Variants in KIAA1328 observed in about 807,000 individuals in gnomAD.
The protein encoded by KIAA1328 is KIAA1328.
A neutral mutation model predicts 68.1 loss-of-function variants in KIAA1328; 52 were observed. The ratio of observed to expected loss-of-function variants is 0.76; its 90% CI spans 0.61 to 0.96. The LOEUF is 0.96. Among genes scored for constraint, KIAA1328 ranks in the 40% least tolerant of loss-of-function variants. The pLI, the probability that KIAA1328 is intolerant of heterozygous loss-of-function variation, is 0.00. For missense variants in KIAA1328, 641 were observed against 677.6 expected, an observed-to-expected ratio of 0.95 and a Z score of 0.60; for synonymous variants, 232 against 239.4, an observed-to-expected ratio of 0.97 and a Z score of 0.28.
intron 7 of KIAA1328, among the ~76,000 whole-genome samples, chr18:37,089,348 A>C (rs1238746154): frequency 3.6e-5 from 5 of 139,992 alleles, no homozygotes; most frequent in Non-Finnish European, 1.6e-5. Context: ...TTATTCTACT[A>C]TTAGGGTACT....
At chr18:37,052,663 G>A (rs1209009825) in intron 6 of KIAA1328, among the ~76,000 whole-genome samples, 3 of 151,334 alleles carry the variant, frequency 2.0e-5, no homozygotes, top group Non-Finnish European at 4.4e-5. Flanking sequence ...ATACAGAATC[G>A]GCATTCAAAA....
chr18:36,854,851 C>T (rs1379092653), intron 4 of KIAA1328, among the ~76,000 whole-genome samples: 2 of 152,030 alleles, frequency 1.3e-5, no homozygotes, highest in African/African-American at 4.8e-5. Context: ...GCCCCTGGTA[C>T]CCCAGTTTAC....
intron 6 of KIAA1328, among the ~76,000 whole-genome samples, chr18:37,061,036 A>G (rs1280160313): frequency 6.6e-6 from 1 of 152,148 alleles, no homozygotes; most frequent in East Asian, 1.9e-4. Flanking sequence ...AACCTCTTGA[A>G]CCCAGGAGGC....
intron 7 of KIAA1328, among the ~76,000 whole-genome samples, chr18:37,114,351 A>G (rs1473101907): frequency 2.6e-5 from 4 of 152,252 alleles, no homozygotes; most frequent in African/African-American, 4.8e-5. Context: ...CAGGATTAAG[A>G]AACTCATTCA....
rs372786277 is a variant in KIAA1328 at position 37,096,539 on chromosome 18, T to C, written c.1232+28994T>C. On this transcript the variant is annotated intron_variant, in intron 7 of 9. Coordinates refer to ENST00000280020, the MANE Select transcript of KIAA1328 (RefSeq NM_020776.3). ...TGTGAATACTGCCACAATAAACATA[T>C]GTGTGCATGTGTCTTTATAGCAGCA... Among the ~76,000 whole-genome samples the C allele has an allele frequency of 7.2e-5, 11 of 152,314 alleles. No homozygotes were observed. In the South Asian group the frequency reaches 1.2e-3, roughly 17 times the overall value.
chr18:37,113,137 C>G (rs1161726854), intron 7 of KIAA1328, among the ~76,000 whole-genome samples: 2 of 152,108 alleles, frequency 1.3e-5, no homozygotes, highest in Non-Finnish European at 2.9e-5. Context: ...GGCCAACATT[C>G]AAATTCAGGA....
At chr18:36,978,177 A>G (rs528571397) in intron 6 of KIAA1328, among the ~76,000 whole-genome samples, 1 of 152,348 alleles carries the variant, frequency 6.6e-6, no homozygotes, top group East Asian at 1.9e-4. Flanking sequence ...ATGGAATCAC[A>G]CAATATATGC....
intron 5 of KIAA1328, among the ~76,000 whole-genome samples, chr18:36,922,843 C>T (rs977532247): frequency 3.3e-5 from 5 of 151,604 alleles, no homozygotes; most frequent in Non-Finnish European, 7.4e-5. Context: ...AATTTTTTTT[C>T]GTAGTAGGGA....
intron 6 of KIAA1328, among the ~76,000 whole-genome samples, chr18:37,023,772 A>G (rs947819771): frequency 6.6e-6 from 1 of 151,922 alleles, no homozygotes; most frequent in African/African-American, 2.4e-5. Flanking sequence ...TGACAGTTGA[A>G]CATCATCTGT....
chr18:36,967,357 T>A (rs1232983002), intron 6 of KIAA1328, among the ~76,000 whole-genome samples: 3 of 152,196 alleles, frequency 2.0e-5, no homozygotes, highest in African/African-American at 7.2e-5. Flanking sequence ...GCAACCTGAA[T>A]GAACTTGGAA....
chr18:36,892,710 T>C (rs1345382554), intron 5 of KIAA1328, among the ~76,000 whole-genome samples: 4 of 152,218 alleles, frequency 2.6e-5, no homozygotes, highest in Admixed American at 6.5e-5. Context: ...ATTGTTATTA[T>C]AAATTGTCCT....
At chr18:37,010,441 T>TAAAAAAAAAAA (rs59927777) in intron 6 of KIAA1328, among the ~76,000 whole-genome samples, 4 of 90,308 alleles carry the variant, frequency 4.4e-5, no homozygotes, top group Admixed American at 2.7e-4. Flanking sequence ...AGACACCATC[T>TAAAAAAAAAAA]AAAAAAAAAA....
intron 4 of KIAA1328, among the ~76,000 whole-genome samples, chr18:36,884,705 TC>T (rs1005896957): frequency 6.6e-6 from 1 of 152,176 alleles, no homozygotes; most frequent in Non-Finnish European, 1.5e-5. Flanking sequence ...ATAAGTGCAT[TC>T]TATGAGCTTT....
At chr18:36,979,933 A>G (rs140662833) in intron 6 of KIAA1328, among the ~76,000 whole-genome samples, 2 of 152,118 alleles carry the variant, frequency 1.3e-5, no homozygotes, top group African/African-American at 4.8e-5. Context: ...GCTTAATGGG[A>G]GGTATTATAT....
intron 6 of KIAA1328, among the ~76,000 whole-genome samples, chr18:37,045,501 T>A (rs927955853): frequency 1.3e-5 from 2 of 152,146 alleles, no homozygotes; most frequent in African/African-American, 2.4e-5. Flanking sequence ...TTTTCTTTTT[T>A]AAAAATTTTT....
At chr18:36,863,498 T>C (rs2047638204) in intron 4 of KIAA1328, among the ~76,000 whole-genome samples, 1 of 152,204 alleles carries the variant, frequency 6.6e-6, no homozygotes, top group South Asian at 2.1e-4. Context: ...TTAGCTCTTC[T>C]AGTCCTGTGC....
At chr18:37,080,457 A>G (rs544404141) in intron 7 of KIAA1328, among the ~76,000 whole-genome samples, 18 of 152,298 alleles carry the variant, frequency 1.2e-4, no homozygotes, top group African/African-American at 4.1e-4. Context: ...GACAGTACCC[A>G]GCTGTAACAC....
At chr18:36,949,024 C>T (rs1178673201) in intron 5 of KIAA1328, among the ~76,000 whole-genome samples, 1 of 152,088 alleles carries the variant, frequency 6.6e-6, no homozygotes, top group Non-Finnish European at 1.5e-5. Context: ...CAGGAATTTT[C>T]CCTTTTTGAA....
chr18:36,970,182 CATAA>C (rs1354770553), intron 6 of KIAA1328, among the ~76,000 whole-genome samples: 2 of 152,156 alleles, frequency 1.3e-5, no homozygotes, highest in East Asian at 3.8e-4. Flanking sequence ...TAATCCATCA[CATAA>C]ATGAACCAAT....
Sources: gnomAD v4.1 joint callset for allele counts (sites outside exome capture counted in the v4.1 genomes callset) on GRCh38, gnomAD v4.1.1 for gene constraint, MANE v1.5 for transcripts, NCBI Gene and HGNC (gene_info 2026-07-23, HGNC 2026-07-21) for gene names.